VEPH1: variants seen among roughly 807,000 people sequenced by gnomAD.
VEPH1 encodes ventricular zone expressed PH domain containing 1, also known as ventricular zone-expressed PH domain-containing protein homolog 1.
Under a neutral mutation model 85.2 loss-of-function variants are expected in VEPH1, and 80 were observed. The observed-to-expected ratio is 0.94, with a 90% confidence interval of 0.78 to 1.13. The LOEUF (loss-of-function observed/expected upper bound fraction) is 1.13, where lower values mean the gene tolerates loss of function less well. Ranked by LOEUF, VEPH1 falls within the 50% of genes most tolerant of loss-of-function variation. VEPH1 has a pLI of 0.00. For missense variants in VEPH1, 955 were observed against 980.5 expected, an observed-to-expected ratio of 0.97 and a Z score of 0.35; for synonymous variants, 297 against 348.0, an observed-to-expected ratio of 0.85 and a Z score of 1.63.
chr3:157,316,912 A>G, intron 10 of VEPH1, 150 bp downstream of exon 10: 1 of 719,294 alleles, frequency 1.4e-6, no homozygotes, highest in Non-Finnish European at 2.0e-6. Context: ...CTAAAATATA[A>G]AAAACCGAGG....
At chr3:157,392,747 T>G (rs1189802531) in intron 6 of VEPH1, among the ~76,000 whole-genome samples, 1 of 152,214 alleles carries the variant, frequency 6.6e-6, no homozygotes, top group Non-Finnish European at 1.5e-5. Flanking sequence ...TTGGTCTAAA[T>G]GGTGCATTTA....
chr3:157,370,258 G>A (rs1306059454), intron 7 of VEPH1, among the ~76,000 whole-genome samples: 2 of 152,128 alleles, frequency 1.3e-5, no homozygotes, highest in Admixed American at 6.5e-5. Context: ...TAAGCGGGGA[G>A]ATGAGACTAT....
chr3:157,339,872 A>C (rs1723340918), intron 9 of VEPH1, among the ~76,000 whole-genome samples: 1 of 152,216 alleles, frequency 6.6e-6, no homozygotes, highest in Non-Finnish European at 1.5e-5. Flanking sequence ...GAAAGAGTCA[A>C]GTGTCCTGCT....
chr3:157,480,671 A>C (rs1737958661), intron 2 of VEPH1, among the ~76,000 whole-genome samples: 1 of 152,122 alleles, frequency 6.6e-6, no homozygotes, highest in Admixed American at 6.6e-5. Flanking sequence ...GTGCATATGT[A>C]CCATATTTTC....
intron 11 of VEPH1, among the ~76,000 whole-genome samples, chr3:157,309,853 C>T (rs185901980): frequency 1.3e-5 from 2 of 152,236 alleles, no homozygotes; most frequent in Non-Finnish European, 2.9e-5. Flanking sequence ...GATCTTGGCT[C>T]ACTGCAATCT....
intron 5 of VEPH1, among the ~76,000 whole-genome samples, chr3:157,424,188 C>T (rs1732572196): frequency 6.6e-6 from 1 of 152,158 alleles, no homozygotes; most frequent in South Asian, 2.1e-4. Context: ...ATGGTTTTAT[C>T]AGGGGTTTCC....
At chr3:157,476,709 T>A (rs1164153867) in intron 2 of VEPH1, among the ~76,000 whole-genome samples, 2 of 152,194 alleles carry the variant, frequency 1.3e-5, no homozygotes, top group Admixed American at 6.5e-5. Context: ...AACAGCCCAG[T>A]CACCTCAGGT....
intron 12 of VEPH1, among the ~76,000 whole-genome samples, chr3:157,269,753 G>A (rs942597071): frequency 6.8e-6 from 1 of 146,044 alleles, no homozygotes; most frequent in African/African-American, 2.5e-5. Context: ...ATTCAGATAT[G>A]TTATCACAGC....
intron 4 of VEPH1, chr3:157,438,014 A>C: frequency 4.8e-6 from 6 of 1,242,848 alleles, no homozygotes; most frequent in Non-Finnish European, 6.5e-6. Flanking sequence ...GGAAGCTTTC[A>C]TGGGAAGCGC....
chr3:157,272,240 TCTTCCTTCCTTCCTTCCTTCCTTC>T (rs59176910), intron 12 of VEPH1, among the ~76,000 whole-genome samples: 6,914 of 137,234 alleles, frequency 0.05, 544 homozygotes, highest in African/African-American at 0.17. Context: ...TCTCTTTTCT[TCTTCCTTCCTTCCTTCCTTCCTTC>T]CTTCCTTCCT....
intron 1 of VEPH1, among the ~76,000 whole-genome samples, chr3:157,498,908 A>G (rs961547236): frequency 6.6e-6 from 1 of 152,242 alleles, no homozygotes; most frequent in Non-Finnish European, 1.5e-5. Context: ...CAAGCATACC[A>G]TATACACACA....
intron 9 of VEPH1, among the ~76,000 whole-genome samples, chr3:157,336,299 A>C (rs1308780455): frequency 6.6e-6 from 1 of 152,228 alleles, no homozygotes; most frequent in Non-Finnish European, 1.5e-5. Context: ...TGAGTTTTAC[A>C]GATGAGCTAA....
intron 12 of VEPH1, among the ~76,000 whole-genome samples, chr3:157,269,642 G>GTTTTTTTTTTTTTTTTTTTTT (rs11408861): frequency 4.3e-5 from 5 of 115,412 alleles, no homozygotes; most frequent in East Asian, 2.5e-4. Flanking sequence ...TGTTTTTGTT[G>GTTTTTTTTTTTTTTTTTTTTT]TTTTTTTTTT....
At chr3:157,349,542 G>GAGAAAGAA (rs78787789) in intron 9 of VEPH1, among the ~76,000 whole-genome samples, 28 of 151,764 alleles carry the variant, frequency 1.8e-4, no homozygotes, top group Admixed American at 2.6e-4. Flanking sequence ...AAATGGGTAA[G>GAGAAAGAA]AGAAAGAAAG....
Position 157,488,845 on chromosome 3 carries a change from C to T in VEPH1, c.138+6367G>A, listed in dbSNP as rs143574757. Among the ~76,000 whole-genome samples the T allele has an allele frequency of 1.7e-4, 26 of 151,354 alleles. 1 individual carries two copies. The highest frequency in any genetic ancestry group is 2.9e-4 in the African/African-American group (12 of 41,372). ...TTTCCAAATTCCTTCCTTCCTTGGT[C>T]GTCTTCATCTTAATTATTGACAATT... On this transcript the variant is annotated intron_variant, in intron 2 of 13. Transcript: ENST00000362010.
chr3:157,341,530 C>A (rs6766951), intron 9 of VEPH1, among the ~76,000 whole-genome samples: 104,929 of 151,988 alleles, frequency 0.69, 36,528 homozygotes, highest in East Asian at 0.78. Context: ...CTATGTGAAA[C>A]GACCAAATCT....
intron 9 of VEPH1, among the ~76,000 whole-genome samples, chr3:157,323,345 A>G (rs1721556578): frequency 6.6e-6 from 1 of 152,224 alleles, no homozygotes; most frequent in Non-Finnish European, 1.5e-5. Context: ...ATGTTTTCAG[A>G]GCTCGGTTCT....
At chr3:157,270,290 A>C (rs930760487) in intron 12 of VEPH1, among the ~76,000 whole-genome samples, 1 of 150,912 alleles carries the variant, frequency 6.6e-6, no homozygotes, top group East Asian at 2.0e-4. Flanking sequence ...AAAAAGCAAA[A>C]CAAAACAAAA....
intron 11 of VEPH1, among the ~76,000 whole-genome samples, chr3:157,293,662 A>T (rs908146155): frequency 2.6e-5 from 4 of 152,250 alleles, no homozygotes; most frequent in African/African-American, 7.2e-5. Context: ...GGATATTGGC[A>T]GTTAACATGA....
Sources: gnomAD v4.1 joint callset for allele counts (sites outside exome capture counted in the v4.1 genomes callset) on GRCh38, gnomAD v4.1.1 for gene constraint, MANE v1.5 for transcripts, NCBI Gene and HGNC (gene_info 2026-07-23, HGNC 2026-07-21) for gene names.